Variants in ALLC observed in about 807,000 individuals in gnomAD.
ALLC encodes the protein allantoicase.
ALLC carries 40 observed loss-of-function variants against 45.0 expected under a neutral mutation model. That is an observed-to-expected ratio of 0.89 (90% CI 0.69 to 1.16). ALLC has a LOEUF of 1.16. Ranked by LOEUF, ALLC falls within the 50% of genes most tolerant of loss-of-function variation. The pLI, the probability that ALLC is intolerant of heterozygous loss-of-function variation, is 0.00. For synonymous variants in ALLC, 176 were observed against 178.1 expected, an observed-to-expected ratio of 0.99 and a Z score of 0.09; for missense variants, 488 against 493.1, an observed-to-expected ratio of 0.99 and a Z score of 0.10.
rs115386711 is a variant in ALLC at position 3,680,764 on chromosome 2, G to T, written c.298+770G>T. ...AGGCAGCCTCCAGAACAGGGAAGAG[G>T]GCGGTGTGCGTCACAGCCTCTGATT... On this transcript the variant is annotated intron_variant, in intron 5 of 11. Transcript: ENST00000252505. The surrounding 1 kb of genome is among the most constrained non-coding windows in gnomAD (Gnocchi z 4.0). Among the ~76,000 whole-genome samples, 4,076 of 152,210 alleles carry T rather than the reference G, an allele frequency of 0.027. 193 individuals carry two copies. The highest frequency in any genetic ancestry group is 0.092 in the African/African-American group (3,828 of 41,514).
chr2:3,691,367 C>T (rs1667513208), intron 7 of ALLC, among the ~76,000 whole-genome samples: 1 of 151,940 alleles, frequency 6.6e-6, no homozygotes, highest in African/African-American at 2.4e-5. Context: ...GATTCTCCCA[C>T]ATCAGCATCC....
intron 10 of ALLC, among the ~76,000 whole-genome samples, chr2:3,699,611 T>G (rs1282064461): frequency 6.6e-6 from 1 of 152,198 alleles, no homozygotes; most frequent in Admixed American, 6.5e-5. Context: ...TAATTTACAC[T>G]CCCACCAGCA....
chr2:3,651,446 GAAGGGAGACGAGTTAAAGGCGTAGA>G, the ALLC span, among the ~76,000 whole-genome samples: 2 of 27,936 alleles, frequency 7.2e-5, 1 homozygote, highest in South Asian at 3.6e-3. Context: ...TGTGTGTTAG[GAAGGGAGACGAGTTAAAGGCGTAGA>G]AAGGACAAAG....
chr2:3,679,954 C>T lies in ALLC; in HGVS notation c.258C>T (p.Tyr86=), dbSNP rs146334151. The part of the protein sequence containing the change: ...DVDVSYFTGD[Y]APRVSIQAAN... The stretch of plus-strand genomic sequence containing the variant: ...ACGTTTCTTACTTCACGGGAGATTA[C>T]GCTCCTCGAGTGTCCATTCAAGCAG... The change falls in exon 5 of 12, where the codon TAC becomes TAT. Residue 86 remains tyrosine, a synonymous_variant. Transcript: ENST00000252505. 7.0e-4 allele frequency: 1,135 copies of T among 1,613,894 alleles called. 3 individuals are homozygous for T. Among genetic ancestry groups the T allele is most frequent in the African/African-American group, 2.5e-3 (186 of 75,010 alleles).
chr2:3,691,477 G>C (rs1008385688), intron 7 of ALLC, among the ~76,000 whole-genome samples: 1 of 151,770 alleles, frequency 6.6e-6, no homozygotes, highest in African/African-American at 2.4e-5. Context: ...TGCCCAGGCT[G>C]GTCTCAAAAT....
At chr2:3,652,657 T>G in the ALLC span, among the ~76,000 whole-genome samples, 597 of 146,108 alleles carry the variant, frequency 4.1e-3, 2 homozygotes, top group African/African-American at 0.014. Flanking sequence ...TGGCGTGATC[T>G]CGGCTCACTG....
chr2:3,686,473 A>G (rs983662919), intron 7 of ALLC, among the ~76,000 whole-genome samples: 1 of 150,998 alleles, frequency 6.6e-6, no homozygotes, highest in African/African-American at 2.4e-5. Context: ...TATTTCTGAG[A>G]AGAATATCAT....
chr2:3,657,200 C>T (rs1221310018), upstream of ALLC, among the ~76,000 whole-genome samples: 1 of 150,956 alleles, frequency 6.6e-6, no homozygotes, highest in African/African-American at 2.5e-5. Flanking sequence ...CGCATCCTAA[C>T]TACGGCTGGG....
chr2:3,689,938 G>A (rs962847781), intron 7 of ALLC, among the ~76,000 whole-genome samples: 7 of 131,752 alleles, frequency 5.3e-5, no homozygotes, highest in Non-Finnish European at 9.6e-5. Context: ...TCATTATACA[G>A]TGTCTTGTCT....
upstream of ALLC, among the ~76,000 whole-genome samples, chr2:3,656,941 G>A (rs555212447): frequency 6.6e-5 from 10 of 152,222 alleles, no homozygotes; most frequent in South Asian, 2.1e-4. Flanking sequence ...TCTGTTCTCC[G>A]CACCGTGAGC....
chr2:3,651,234 C>T, the ALLC span, among the ~76,000 whole-genome samples: 1 of 148,510 alleles, frequency 6.7e-6, no homozygotes, highest in Admixed American at 6.7e-5. Context: ...CCCACACAGG[C>T]GCGGGGAGGT....
chr2:3,649,185 G>T, the ALLC span, among the ~76,000 whole-genome samples: 1 of 152,178 alleles, frequency 6.6e-6, no homozygotes, highest in Non-Finnish European at 1.5e-5. Context: ...GAAGTGCCTA[G>T]GGTGTCATTC....
At chr2:3,648,140 T>C in the ALLC span, among the ~76,000 whole-genome samples, 3,282 of 152,256 alleles carry the variant, frequency 0.022, 129 homozygotes, top group African/African-American at 0.075. Flanking sequence ...GTCTGGGCCC[T>C]CAGGATGGGA....
chr2:3,679,864 C>T lies in ALLC; in HGVS notation c.173-5C>T, dbSNP rs374259917. On this transcript the variant is annotated splice_region_variant and splice_polypyrimidine_tract_variant and intron_variant, in intron 4 of 11. Coordinates refer to ENST00000252505, the MANE Select transcript of ALLC (RefSeq NM_018436.4). ...GAGACTGCTCTTGTCCTCTGTGTTG[C>T]GCAGGTCACGACTGGTGTGTCCTCA... The T allele has an allele frequency of 2.2e-5, 35 of 1,613,782 alleles. No individual in the cohort carries two copies. In the Middle Eastern group the frequency reaches 5.1e-4, roughly 23 times the overall value.
In ALLC at chr2:3,679,888, C is replaced by T. The variant is rs748221223; in HGVS notation, c.192C>T (p.Leu64=). 1 of 1,613,946 alleles carries T rather than the reference C, an allele frequency of 6.2e-7. No homozygotes were observed. The highest frequency in any genetic ancestry group is 2.2e-5 in the East Asian group (1 of 44,870). Residue 64 remains leucine, a synonymous_variant, in exon 5 of 12, where the codon CTC becomes CTT. Coordinates refer to ENST00000252505, the MANE Select transcript of ALLC (RefSeq NM_018436.4). ...KRIPGHDWCV[L]RLGIQGVIRG... is the part of the protein sequence containing the mutation. ...GCGCAGGTCACGACTGGTGTGTCCTCAGGCTGGGGATCCAAGGAGTCATCC... is the reference window on the plus strand; with the variant it reads ...GCGCAGGTCACGACTGGTGTGTCCTTAGGCTGGGGATCCAAGGAGTCATCC...
At chr2:3,675,728 C>T (rs529055585) in intron 3 of ALLC, among the ~76,000 whole-genome samples, 125 of 152,308 alleles carry the variant, frequency 8.2e-4, no homozygotes, top group South Asian at 4.1e-3. Flanking sequence ...TAAAGTTCAC[C>T]GTTCACCTCC....
intron 4 of ALLC, among the ~76,000 whole-genome samples, chr2:3,678,871 C>A (rs1029023032): frequency 6.6e-6 from 1 of 152,200 alleles, no homozygotes; most frequent in African/African-American, 2.4e-5. Context: ...CAGCGTGCAT[C>A]TTCTGGGTCC....
rs368402745 is a variant in ALLC at position 3,680,000 on chromosome 2, T to C, written c.298+6T>C. ...AGCAGCAAACTTGGAAGAAGGTGCGTTAGGAACCACTGTCCCCAAAATGAG... is the reference window on the plus strand; with the variant it reads ...AGCAGCAAACTTGGAAGAAGGTGCGCTAGGAACCACTGTCCCCAAAATGAG... On this transcript the variant is annotated splice_donor_region_variant and intron_variant, in intron 5 of 11. Transcript: ENST00000252505. 1.2e-6 allele frequency: 2 copies of C among 1,613,618 alleles called. No individual in the cohort carries two copies.
In ALLC at chr2:3,671,123, G is replaced by C; in HGVS notation, c.-35G>C. The C allele has an allele frequency of 6.2e-7, 1 of 1,606,302 alleles. No homozygotes were observed. The highest frequency in any genetic ancestry group is 8.5e-7 in the Non-Finnish European group (1 of 1,176,556). On this transcript the variant is annotated 5_prime_UTR_variant, in exon 2 of 12. Transcript: ENST00000252505. ...AGCACGGCTGATGCTCCGAAGGAGG[G>C]AAGACTGACCCGGTTTCTGGACTTC...
Sources: gnomAD v4.1 joint callset for allele counts (sites outside exome capture counted in the v4.1 genomes callset) on GRCh38, gnomAD v4.1.1 for gene constraint, Gnocchi (gnomAD v3.1) non-coding constraint, MANE v1.5 for transcripts, NCBI Gene and HGNC (gene_info 2026-07-23, HGNC 2026-07-21) for gene names.